MOSMO: variants seen among roughly 807,000 people sequenced by gnomAD.
MOSMO encodes modulator of smoothened.
Under a neutral mutation model 18.4 loss-of-function variants are expected in MOSMO, and 5 were observed. The observed-to-expected ratio is 0.27, with a 90% CI of 0.14 to 0.57. MOSMO has a LOEUF of 0.57. MOSMO is among the 20% of genes least tolerant of loss of function. The pLI is 0.92. For synonymous variants in MOSMO, 82 were observed against 82.3 expected, an observed-to-expected ratio of 1.00 and a Z score of 0.02; for missense variants, 138 against 211.8, an observed-to-expected ratio of 0.65 and a Z score of 2.16.
chr16:22,037,933 C>T (rs994686588), intron 1 of MOSMO, among the ~76,000 whole-genome samples: 1 of 152,152 alleles, frequency 6.6e-6, no homozygotes, highest in Non-Finnish European at 1.5e-5. Flanking sequence ...AAATCCTTGG[C>T]CATTGACGAG....
chr16:22,050,456 A>G (rs1372833641), intron 1 of MOSMO, among the ~76,000 whole-genome samples: 1 of 152,158 alleles, frequency 6.6e-6, no homozygotes, highest in Non-Finnish European at 1.5e-5. Flanking sequence ...ACATTTGACA[A>G]TGTCTCAAGA....
intron 1 of MOSMO, among the ~76,000 whole-genome samples, chr16:22,057,976 G>T (rs564848587): frequency 8.5e-5 from 13 of 152,280 alleles, no homozygotes; most frequent in Non-Finnish European, 1.3e-4. Context: ...AGAGCCAAGT[G>T]GGGGGAGTGA....
At chr16:22,024,245 T>C (rs746920504) in intron 1 of MOSMO, among the ~76,000 whole-genome samples, 3 of 152,074 alleles carry the variant, frequency 2.0e-5, no homozygotes, top group Non-Finnish European at 2.9e-5. Context: ...CTCCCAGCAA[T>C]GTTTAATGAA....
chr16:22,075,737 A>T, intron 2 of MOSMO, 38 bp downstream of exon 2: 1 of 1,379,962 alleles, frequency 7.2e-7, no homozygotes, highest in South Asian at 1.2e-5. Flanking sequence ...TCTAGAAGGC[A>T]CCCACCCACA....
intron 1 of MOSMO, among the ~76,000 whole-genome samples, chr16:22,009,601 T>G (rs925893032): frequency 7.2e-5 from 11 of 151,926 alleles, no homozygotes; most frequent in Non-Finnish European, 1.5e-4. Flanking sequence ...TTTAACTGCT[T>G]GTTCAGTGCA....
At chr16:22,091,686 A>T (rs1364979600), downstream of MOSMO, among the ~76,000 whole-genome samples, 1 of 152,056 alleles carries the variant, frequency 6.6e-6, no homozygotes, top group Non-Finnish European at 1.5e-5. Flanking sequence ...CCACCACCCA[A>T]CCTCATGTTC....
At chr16:22,091,835 C>G (rs1213062534), downstream of MOSMO, among the ~76,000 whole-genome samples, 4 of 152,218 alleles carry the variant, frequency 2.6e-5, no homozygotes, top group Non-Finnish European at 5.9e-5. Flanking sequence ...GGTGACATCA[C>G]TTTGTCTCTC....
At chr16:22,025,618 A>G (rs1464561953) in intron 1 of MOSMO, among the ~76,000 whole-genome samples, 1 of 152,216 alleles carries the variant, frequency 6.6e-6, no homozygotes, top group Non-Finnish European at 1.5e-5. Context: ...AGGAATTATC[A>G]AGTAACTTTT....
At chr16:22,041,623 G>T (rs559922574) in intron 1 of MOSMO, among the ~76,000 whole-genome samples, 97 of 152,022 alleles carry the variant, frequency 6.4e-4, no homozygotes, top group African/African-American at 2.3e-3. Context: ...AAAGTAAAGG[G>T]TTAAGCTTCA....
chr16:22,018,813 T>C (rs1899694575), intron 1 of MOSMO, among the ~76,000 whole-genome samples: 1 of 152,088 alleles, frequency 6.6e-6, no homozygotes, highest in Admixed American at 6.6e-5. Flanking sequence ...CATTTAATAA[T>C]GAGTAATAAG....
rs377520589 is a variant in MOSMO, at chr16:22,042,578, A to C, written c.107-32909A>C. On this transcript the variant is annotated intron_variant, in intron 1 of 2. Coordinates refer to ENST00000542527, the MANE Select transcript of MOSMO (RefSeq NM_001164579.2). The stretch of plus-strand genomic sequence containing the variant: ...ATTTTTCTGGATTTGATCACAAGAC[A>C]TGTAATGCTTGCCATCATTTCACCA... Among the ~76,000 whole-genome samples the C allele has an allele frequency of 5.3e-5, 8 of 152,334 alleles. No homozygotes were observed. The East Asian group carries it at 1.3e-3, about 26-fold the overall frequency.
chr16:22,040,236 AAG>A (rs1900184837), intron 1 of MOSMO, among the ~76,000 whole-genome samples: 1 of 152,150 alleles, frequency 6.6e-6, no homozygotes, highest in Admixed American at 6.5e-5. Flanking sequence ...ATGGACACAT[AAG>A]AGGGGAACAA....
chr16:22,009,638 A>G (rs1352809893), intron 1 of MOSMO, among the ~76,000 whole-genome samples: 1 of 151,712 alleles, frequency 6.6e-6, no homozygotes, highest in Admixed American at 6.6e-5. Flanking sequence ...GAGGGTTGGG[A>G]ATGTCAAGCT....
chr16:22,073,760 A>G (rs1900907457), intron 1 of MOSMO, among the ~76,000 whole-genome samples: 1 of 151,216 alleles, frequency 6.6e-6, no homozygotes, highest in Non-Finnish European at 1.5e-5. Context: ...CTCCAAGTAG[A>G]AGGTGGTGTG....
chr16:22,078,904 A>G (rs926332208), intron 2 of MOSMO, among the ~76,000 whole-genome samples: 2 of 152,164 alleles, frequency 1.3e-5, no homozygotes, highest in African/African-American at 4.8e-5. Context: ...TGAATTTTTC[A>G]TTTGTTCTAT....
At position 22,047,503 on chromosome 16, in the gene MOSMO, C is replaced by T. The variant is rs147305563; in HGVS notation, c.107-27984C>T. ...TTGTGATCCGCCCGCCTCGGCCTCC[C>T]AAAGTGCTGGGATTACAGGCTTGAG... On this transcript the variant is annotated intron_variant, in intron 1 of 2. Coordinates refer to ENST00000542527, the MANE Select transcript of MOSMO (RefSeq NM_001164579.2). Among the ~76,000 whole-genome samples the T allele has an allele frequency of 4.4e-3, 668 of 152,182 alleles. 10 individuals are homozygous for T. Among genetic ancestry groups the T allele is most frequent in the African/African-American group, 0.016 (644 of 41,528 alleles).
rs147411120 is a variant in MOSMO, at chr16:22,018,981, T to C, written c.106+10574T>C. On this transcript the variant is annotated intron_variant, in intron 1 of 2. Coordinates refer to ENST00000542527, the MANE Select transcript of MOSMO (RefSeq NM_001164579.2). The stretch of plus-strand genomic sequence containing the variant: ...TAATAAATACTTGTATAGCATTTAC[T>C]TTGTGACAGATTCTTTTCTAGACAC... 1.1e-4 allele frequency among the ~76,000 whole-genome samples: 16 copies of C among 152,346 alleles called. No individual in the cohort carries two copies. In the East Asian group the frequency reaches 2.9e-3, roughly 28 times the overall value.
At chr16:22,021,933 A>C (rs1899772643) in intron 1 of MOSMO, among the ~76,000 whole-genome samples, 1 of 152,102 alleles carries the variant, frequency 6.6e-6, no homozygotes. Flanking sequence ...AATGGGGATA[A>C]TACTTCTTAC....
intron 1 of MOSMO, among the ~76,000 whole-genome samples, chr16:22,039,874 A>G (rs1202333021): frequency 6.6e-6 from 1 of 152,106 alleles, no homozygotes. Flanking sequence ...GGCATTTATG[A>G]CTGCAATTAC....
Sources: allele counts gnomAD v4.1 joint callset (sites outside exome capture counted in the v4.1 genomes callset), GRCh38; gene constraint gnomAD v4.1.1; transcripts MANE v1.5; gene names NCBI Gene and HGNC (gene_info 2026-07-23, HGNC 2026-07-21).